The following UNC80 variants were observed in gnomAD, a reference collection of about 807,000 sequenced individuals.
UNC80 encodes the protein protein unc-80 homolog.
In UNC80, 164 loss-of-function variants were observed where a neutral mutation model predicts 384.6. The observed-to-expected ratio is 0.43, with a 90% confidence interval of 0.38 to 0.49. UNC80 has a LOEUF of 0.49. Ranked by LOEUF, UNC80 falls within the 20% of genes least tolerant of loss-of-function variation. The pLI, the probability that UNC80 is intolerant of heterozygous loss-of-function variation, is 0.00. For missense variants in UNC80, 3,330 were observed against 4,143.0 expected, an observed-to-expected ratio of 0.80 and a Z score of 5.39; for synonymous variants, 1,486 against 1,527.8, an observed-to-expected ratio of 0.97 and a Z score of 0.64.
intron 23 of UNC80, among the ~76,000 whole-genome samples, chr2:209,874,097 GAC>G (rs761775162): frequency 6.6e-6 from 1 of 152,110 alleles, no homozygotes; most frequent in Non-Finnish European, 1.5e-5. Flanking sequence ...TATATGAGAA[GAC>G]ACAGTTTCTC....
At chr2:209,819,876 C>T (rs2080018154) in intron 12 of UNC80, among the ~76,000 whole-genome samples, 1 of 152,126 alleles carries the variant, frequency 6.6e-6, no homozygotes, top group African/African-American at 2.4e-5. Flanking sequence ...AATAATGATA[C>T]AGTCATGAAC....
chr2:209,843,550 C>T (rs1488329017), intron 21 of UNC80, among the ~76,000 whole-genome samples: 2 of 152,184 alleles, frequency 1.3e-5, no homozygotes, highest in African/African-American at 4.8e-5. Flanking sequence ...ACTCTTTCCA[C>T]TCCTCTTTGA....
rs567197203 is a variant in UNC80, at chr2:209,819,250, C to G, written c.1951C>G (p.Leu651Val). ...TNNFVHKNGM[L>V]DLSVVLKAVY... Reference sequence around the variant, plus strand: ...TAACTTTGTCCACAAGAATGGAATGCTTGATCTTTCTGTAAGAAGCAAGAA... The same window carrying G: ...TAACTTTGTCCACAAGAATGGAATGGTTGATCTTTCTGTAAGAAGCAAGAA... The change falls in exon 12 of 65, where the codon CTT (leucine) becomes GTT (valine). Residue 651 changes from leucine (L) to valine (V), a missense_variant. Physicochemically the swap from Leu to Val is conservative, Grantham distance 32. Around this residue, in one of 8 missense-constraint regions of UNC80, gnomAD observed 937 missense variants for 1,026.8 expected, o/e 0.91. Transcript: ENST00000673920. 5 of 1,545,574 alleles carry G rather than the reference C, an allele frequency of 3.2e-6. No homozygotes were observed. The highest frequency in any genetic ancestry group is 4.4e-6 in the Non-Finnish European group (5 of 1,143,576).
Position 209,894,472 on chromosome 2 carries a change from C to T in UNC80, c.4480+106C>T, listed in dbSNP as rs138645011. The T allele has an allele frequency of 5.0e-4, 295 of 585,522 alleles. 4 individuals are homozygous for T. In the Admixed American group the frequency reaches 0.015, roughly 29 times the overall value. 36.3% of individuals were successfully genotyped at this position (585,522 alleles called of 1,614,324 possible). ...TTCTTACACATAAATAGATGGAGGG[C>T]AGAGCCATAGGATAGACAACCTGTT... On this transcript the variant is annotated intron_variant, in intron 27 of 64. Transcript: ENST00000673920.
chr2:209,840,966 C>T (rs1251186663), intron 20 of UNC80, among the ~76,000 whole-genome samples: 1 of 152,184 alleles, frequency 6.6e-6, no homozygotes, highest in Non-Finnish European at 1.5e-5. Flanking sequence ...ATCTCAAACT[C>T]CTGTCCAAGG....
In UNC80 at chr2:209,826,033, C is replaced by T. The variant is rs2080493599; in HGVS notation, c.2458C>T (p.His820Tyr). 2 of 1,549,192 alleles carry T rather than the reference C, an allele frequency of 1.3e-6. No individual in the cohort carries two copies. The highest frequency in any genetic ancestry group is 1.7e-6 in the Non-Finnish European group (2 of 1,145,952). Residue 820 changes from histidine (H) to tyrosine (Y), a missense_variant, in exon 14 of 65, where the codon CAC becomes TAC. By Grantham distance (83) the His-to-Tyr change is moderately conservative (BLOSUM62 2). Around this residue, in one of 8 missense-constraint regions of UNC80, gnomAD observed 937 missense variants for 1,026.8 expected, o/e 0.91. Transcript: ENST00000673920. ...AGGGCTCTCTGGAGATCGTCTGAGA[C>T]ACCAGGTATTCCGAGAGAATGTAAG... is the stretch of plus-strand genomic sequence containing the variant. ...HRGLSGDRLR[H>Y]QVFRENAQNC... is the part of the protein sequence containing the mutation.
chr2:209,783,586 T>C (rs145113386), intron 4 of UNC80, among the ~76,000 whole-genome samples: 2 of 152,114 alleles, frequency 1.3e-5, no homozygotes, highest in Admixed American at 1.3e-4. Flanking sequence ...AAATATACAA[T>C]CTACTTGGAG....
intron 28 of UNC80, among the ~76,000 whole-genome samples, chr2:209,903,320 A>ATGTGTG (rs34002751): frequency 1.8e-3 from 189 of 105,772 alleles, no homozygotes; most frequent in Middle Eastern, 0.011. Flanking sequence ...ATTATATTAT[A>ATGTGTG]TGTGTGTGTG....
chr2:209,935,590 T>G, intron 39 of UNC80, 124 bp from the exon 40 acceptor site: 1 of 406,870 alleles, frequency 2.5e-6, no homozygotes, highest in Non-Finnish European at 4.4e-6. Flanking sequence ...TATGTAACTA[T>G]GAATTAAGAA....
At chr2:209,853,024 CAGATAT>C (rs1232595880) in intron 22 of UNC80, among the ~76,000 whole-genome samples, 5 of 151,768 alleles carry the variant, frequency 3.3e-5, no homozygotes, top group African/African-American at 4.8e-5. Flanking sequence ...GGCACAGATA[CAGATAT>C]AGATATAGAT....
chr2:209,815,151 G>A (rs2079639375), intron 8 of UNC80, 106 bp from the exon 9 acceptor site: 1 of 1,089,898 alleles, frequency 9.2e-7, no homozygotes, highest in Admixed American at 3.0e-5. Context: ...ATTGTTCAAA[G>A]ATGTCAAAGC....
intron 28 of UNC80, among the ~76,000 whole-genome samples, chr2:209,900,367 G>A (rs142192381): frequency 1.6e-3 from 247 of 152,156 alleles, no homozygotes; most frequent in African/African-American, 5.8e-3. Context: ...TTTCATGATT[G>A]TCGTTTTTTA....
chr2:209,969,943 A>G lies in UNC80; in HGVS notation c.8130+52A>G, dbSNP rs1429959231. On this transcript the variant is annotated intron_variant, in intron 53 of 64. Transcript: ENST00000673920. ...AAACTTTGCACAATGTAACTCTGCT[A>G]TTGACTTCTCTGAATTGAAGATTTA... The G allele has an allele frequency of 4.5e-6, 7 of 1,541,096 alleles. No individual in the cohort carries two copies. In the South Asian group the frequency reaches 4.9e-5, roughly 11 times the overall value.
chr2:209,992,801 C>T (rs1437345959), intron 62 of UNC80, among the ~76,000 whole-genome samples: 1 of 152,186 alleles, frequency 6.6e-6, no homozygotes, highest in Non-Finnish European at 1.5e-5. Context: ...TTAAAGCAAA[C>T]TGAAGTAAAG....
At chr2:209,842,137 C>T (rs554453661) in intron 20 of UNC80, among the ~76,000 whole-genome samples, 2 of 152,266 alleles carry the variant, frequency 1.3e-5, no homozygotes, top group South Asian at 2.1e-4. Context: ...TAATCTGGGA[C>T]CTGGTTCCTC....
At chr2:209,823,822 A>G (rs1256412780) in intron 13 of UNC80, among the ~76,000 whole-genome samples, 1 of 152,066 alleles carries the variant, frequency 6.6e-6, no homozygotes. Context: ...GTCCAAGGTT[A>G]TATAGTTAGT....
In UNC80 at chr2:209,922,242, T is replaced by C. The variant is rs1407793915; in HGVS notation, c.5531-10T>C. The C allele has an allele frequency of 6.4e-6, 10 of 1,551,892 alleles. No individual in the cohort carries two copies. In the East Asian group the frequency reaches 2.0e-4, roughly 30 times the overall value. ...AAGCCAAAGTTCACATTCCCCATTT[T>C]GTTTGCCAGTAGAAGAAGTCACCAA... On this transcript the variant is annotated splice_polypyrimidine_tract_variant and intron_variant, in intron 34 of 64. Transcript: ENST00000673920.
At chr2:209,828,048 AC>A in intron 14 of UNC80, among the ~76,000 whole-genome samples, 1 of 152,192 alleles carries the variant, frequency 6.6e-6, no homozygotes, top group Middle Eastern at 3.2e-3. Flanking sequence ...CTGAACTCAT[AC>A]AGATGATACA....
At chr2:209,815,875 G>A (rs879229171) in intron 9 of UNC80, among the ~76,000 whole-genome samples, 1 of 152,086 alleles carries the variant, frequency 6.6e-6, no homozygotes, top group Non-Finnish European at 1.5e-5. Flanking sequence ...AGTTAAATAC[G>A]TTATATTTTT....
Sources: gnomAD v4.1 joint callset for allele counts (sites outside exome capture counted in the v4.1 genomes callset) on GRCh38, gnomAD v4.1.1 for gene constraint, gnomAD v4.1.1 regional missense constraint, MANE v1.5 for transcripts, NCBI Gene and HGNC (gene_info 2026-07-23, HGNC 2026-07-21) for gene names.